Variants in SIK3 observed in about 807,000 individuals in gnomAD.
SIK3 encodes the protein serine/threonine-protein kinase SIK3.
A neutral mutation model predicts 144.2 loss-of-function variants in SIK3; 28 were observed. The observed-to-expected ratio is 0.19, with a 90% CI of 0.14 to 0.27. The LOEUF is 0.27. SIK3 is among the 10% of genes least tolerant of loss of function. The pLI, the probability that SIK3 is intolerant of heterozygous loss-of-function variation, is 1.00. For missense variants in SIK3, 1,319 were observed against 1,776.0 expected (o/e 0.74, Z 4.62); for synonymous variants, 686 against 676.3 (o/e 1.01, Z -0.22).
Position 116,954,118 on chromosome 11 carries a change from G to C in SIK3, c.391-11C>G. 1.9e-6 allele frequency: 3 copies of C among 1,613,272 alleles called. No homozygotes were observed. Among genetic ancestry groups the C allele is most frequent in the East Asian group, 4.5e-5 (2 of 44,828 alleles). On this transcript the variant is annotated splice_polypyrimidine_tract_variant and intron_variant, in intron 2 of 24. Coordinates refer to ENST00000445177, the MANE Select transcript of SIK3 (RefSeq NM_001366686.3). ...TTCTGTCTCCATAACCTGGTGCAAA[G>C]GCAGGAAAGTGACAGACAGTGACAC...
intron 1 of SIK3, among the ~76,000 whole-genome samples, chr11:117,082,077 C>T (rs1406612641): frequency 6.6e-6 from 1 of 152,098 alleles, no homozygotes; most frequent in Admixed American, 6.5e-5. Flanking sequence ...TAGATCAAAA[C>T]CACAATGCAA....
At chr11:116,869,102 C>T (rs577745349) in intron 14 of SIK3, 4 of 152,124 alleles carry the variant, frequency 2.6e-5, no homozygotes, top group Non-Finnish European at 5.9e-5. Flanking sequence ...CCTGATTTCT[C>T]ATTTCTTCAT....
In SIK3 at chr11:116,846,592, C is replaced by G. The variant is rs982916663; in HGVS notation, c.3953-39G>C. ...AAGAACGTATGAGGTTGGCAGGGAA[C>G]TGGGGGACTAGGAGAGCAAGGGGGA... On this transcript the variant is annotated intron_variant, in intron 23 of 24. Transcript: ENST00000445177. This position sits in a 1 kb window ranked among gnomAD's most constrained non-coding sequence, Gnocchi z 4.1. 4.3e-6 allele frequency: 7 copies of G among 1,612,400 alleles called. No homozygotes were observed. Among genetic ancestry groups the G allele is most frequent in the Non-Finnish European group, 4.2e-6 (5 of 1,179,062 alleles).
intron 21 of SIK3, among the ~76,000 whole-genome samples, chr11:116,854,683 T>C (rs1320120035): frequency 3.9e-5 from 6 of 152,168 alleles, no homozygotes. Context: ...GCTCCCCCAC[T>C]TGCCTGCAGA....
intron 1 of SIK3, among the ~76,000 whole-genome samples, chr11:117,049,486 G>C (rs562290896): frequency 1.6e-3 from 242 of 152,038 alleles, no homozygotes; most frequent in Non-Finnish European, 2.8e-3. Flanking sequence ...GCTGAGGCAT[G>C]AGAATGGCTT....
intron 21 of SIK3, among the ~76,000 whole-genome samples, chr11:116,852,388 C>T (rs1400255966): frequency 6.6e-6 from 1 of 152,220 alleles, no homozygotes; most frequent in African/African-American, 2.4e-5. Context: ...GGGGGCCTTC[C>T]TGACTCCCAG....
At chr11:116,977,984 C>T (rs1370330967) in intron 1 of SIK3, among the ~76,000 whole-genome samples, 3 of 152,120 alleles carry the variant, frequency 2.0e-5, no homozygotes, top group Non-Finnish European at 4.4e-5. Context: ...TTTGGGAGGC[C>T]GAGGCGGGTG....
At chr11:116,863,583 G>T in intron 16 of SIK3, 85 bp downstream of exon 16, 1 of 1,574,162 alleles carries the variant, frequency 6.4e-7, no homozygotes, top group Non-Finnish European at 8.7e-7. Context: ...ACATAAAAGG[G>T]GTACGTTTAC....
rs116654079 is a variant in SIK3, at chr11:117,002,454, A to G, written c.274-45390T>C. ...GAACTTAAGTTGCAAACATTGAGAT[A>G]AAACATTAGTCTCCACCTGCCCAAA... is the stretch of plus-strand genomic sequence containing the variant. On this transcript the variant is annotated intron_variant, in intron 1 of 24. Transcript: ENST00000445177. Among the ~76,000 whole-genome samples, 1,159 of 152,324 alleles carry G rather than the reference A, an allele frequency of 7.6e-3. 13 individuals are homozygous for G. Among genetic ancestry groups the G allele is most frequent in the African/African-American group, 0.027 (1,115 of 41,578 alleles).
intron 1 of SIK3, among the ~76,000 whole-genome samples, chr11:117,019,473 AAGT>A (rs1272928875): frequency 6.6e-6 from 1 of 152,252 alleles, no homozygotes; most frequent in Non-Finnish European, 1.5e-5. Flanking sequence ...TGGTTACAGT[AAGT>A]AGCTGTTTTA....
At chr11:116,874,999 T>C (rs1944172713) in intron 11 of SIK3, among the ~76,000 whole-genome samples, 159 bp downstream of exon 11, 1 of 152,234 alleles carries the variant, frequency 6.6e-6, no homozygotes, top group African/African-American at 2.4e-5. Context: ...TTTAATTGTC[T>C]ACATACATAA....
chr11:117,019,031 T>C (rs568285342), intron 1 of SIK3, among the ~76,000 whole-genome samples: 18 of 151,062 alleles, frequency 1.2e-4, no homozygotes, highest in Admixed American at 5.3e-4. Flanking sequence ...CTTTTTTTTT[T>C]CCCTTAGAGA....
At chr11:117,066,627 C>G (rs1954033384) in intron 1 of SIK3, among the ~76,000 whole-genome samples, 1 of 150,792 alleles carries the variant, frequency 6.6e-6, no homozygotes, top group Non-Finnish European at 1.5e-5. Context: ...CCTTAAACAG[C>G]TAGGCTCAAG....
chr11:116,917,529 C>T (rs553472179), intron 4 of SIK3, among the ~76,000 whole-genome samples: 10 of 152,002 alleles, frequency 6.6e-5, no homozygotes, highest in Admixed American at 3.3e-4. Flanking sequence ...AGCAGCAAAA[C>T]GAGTCCCATC....
intron 1 of SIK3, among the ~76,000 whole-genome samples, chr11:117,024,379 G>A (rs933951811): frequency 6.7e-6 from 1 of 149,282 alleles, no homozygotes; most frequent in Non-Finnish European, 1.5e-5. Flanking sequence ...AATAACACAT[G>A]CTCATTTCTG....
intron 1 of SIK3, among the ~76,000 whole-genome samples, chr11:117,079,766 A>C (rs1028065766): frequency 6.6e-6 from 1 of 152,148 alleles, no homozygotes; most frequent in Non-Finnish European, 1.5e-5. Context: ...AAATCTGACT[A>C]TAAAAATAAA....
At chr11:116,870,856 A>C (rs533556) in intron 13 of SIK3, among the ~76,000 whole-genome samples, 68,383 of 152,018 alleles carry the variant, frequency 0.45, 18,609 homozygotes, top group Non-Finnish European at 0.63. Context: ...CTGGTCAGGC[A>C]AAGAGGGACA....
chr11:117,047,239 C>T (rs1953010593), intron 1 of SIK3, among the ~76,000 whole-genome samples: 1 of 152,124 alleles, frequency 6.6e-6, no homozygotes, highest in Non-Finnish European at 1.5e-5. Flanking sequence ...TTTGGAGATG[C>T]ATCTCTTAAT....
chr11:116,944,965 CT>C (rs201545149), intron 3 of SIK3, among the ~76,000 whole-genome samples: 108 of 145,582 alleles, frequency 7.4e-4, no homozygotes, highest in Middle Eastern at 3.5e-3. Context: ...TTTCTTTTTT[CT>C]TTTTTTTTTT....
Sources: allele counts gnomAD v4.1 joint callset (sites outside exome capture counted in the v4.1 genomes callset), GRCh38; gene constraint gnomAD v4.1.1; non-coding constraint Gnocchi (gnomAD v3.1); transcripts MANE v1.5; gene names NCBI Gene and HGNC (gene_info 2026-07-23, HGNC 2026-07-21).